The following EPB41 variants were observed in gnomAD, a reference collection of about 807,000 sequenced individuals.
EPB41 encodes the protein protein 4.1.
In EPB41, 65 loss-of-function variants were observed where a neutral mutation model predicts 108.0. The observed-to-expected ratio is 0.60, with a 90% CI of 0.49 to 0.74. The LOEUF (loss-of-function observed/expected upper bound fraction) is 0.74, where lower values mean the gene tolerates loss of function less well. EPB41 is among the 30% of genes least tolerant of loss of function. EPB41 has a pLI of 0.00. For synonymous variants in EPB41, 336 were observed against 358.9 expected, an observed-to-expected ratio of 0.94 and a Z score of 0.72; for missense variants, 875 against 1,037.0, an observed-to-expected ratio of 0.84 and a Z score of 2.15.
At chr1:29,069,499 T>C in intron 16 of EPB41, 2 of 1,156,288 alleles carry the variant, frequency 1.7e-6, no homozygotes, top group Non-Finnish European at 2.1e-6. Context: ...TTTATACTTT[T>C]TGTTTTTCTT....
At chr1:28,953,660 T>C (rs2094831411) in intron 1 of EPB41, among the ~76,000 whole-genome samples, 1 of 152,206 alleles carries the variant, frequency 6.6e-6, no homozygotes, top group Admixed American at 6.5e-5. Flanking sequence ...CCAATGAAGG[T>C]GACATTAGAC....
At position 28,887,708 on chromosome 1, in the gene EPB41, T is replaced by C. The variant is rs1569741924; in HGVS notation, c.-8+498T>C. 1 of 984,760 alleles carries C rather than the reference T, an allele frequency of 1.0e-6. No individual in the cohort carries two copies. The highest frequency in any genetic ancestry group is 1.1e-4 in the East Asian group (1 of 8,762). The allele number at this position is 984,760 out of a possible 1,614,324, so 61.0% of individuals were successfully genotyped here. On this transcript the variant is annotated intron_variant, in intron 1 of 16. Coordinates refer to the EPB41 transcript ENST00000347529. This position sits in a 1 kb window ranked among gnomAD's most constrained non-coding sequence, Gnocchi z 4.9. Reference sequence around the variant, plus strand: ...CCGCTCCGGCCCTTACGTAACTGACTTTGAGTTTCCGGACCCAGGAACCGA... The same window carrying C: ...CCGCTCCGGCCCTTACGTAACTGACCTTGAGTTTCCGGACCCAGGAACCGA...
rs1401326101 is a variant in EPB41 at position 29,058,790 on chromosome 1, T to C, written c.1903-21T>C. 16 of 1,540,776 alleles carry C rather than the reference T, an allele frequency of 1.0e-5. No individual in the cohort carries two copies. In the Admixed American group the frequency reaches 3.1e-4, roughly 30 times the overall value. On this transcript the variant is annotated intron_variant, in intron 13 of 20. Coordinates refer to ENST00000343067, the MANE Select transcript of EPB41 (RefSeq NM_001376013.1). ...CAACATTTTATCATTTTTCTTTCTTTTTTAAATTATGGCAAAACAGAAGCT... is the reference window on the plus strand; with the variant it reads ...CAACATTTTATCATTTTTCTTTCTTCTTTAAATTATGGCAAAACAGAAGCT...
chr1:28,952,052 G>T (rs2094748526), intron 1 of EPB41, among the ~76,000 whole-genome samples: 1 of 152,076 alleles, frequency 6.6e-6, no homozygotes. Flanking sequence ...TTCATATTGG[G>T]GATATAAGCA....
intron 1 of EPB41, among the ~76,000 whole-genome samples, chr1:28,978,888 C>T (rs995891194): frequency 3.3e-5 from 5 of 151,328 alleles, no homozygotes; most frequent in African/African-American, 9.8e-5. Flanking sequence ...GGTTCTGAGG[C>T]CTTTAGTCTT....
rs533082054 is a variant in EPB41 at position 29,107,443 on chromosome 1, T to C, written c.2314-1893T>C. Among the ~76,000 whole-genome samples the C allele has an allele frequency of 1.1e-4, 16 of 152,276 alleles. No homozygotes were observed. In the East Asian group the frequency reaches 1.9e-3, roughly 18 times the overall value. ...ATAATAATGGTTCCTCCCTCAGATA[T>C]TGAGAGGCATAATTGAGACAACAGT... On this transcript the variant is annotated intron_variant, in intron 17 of 20. Transcript: ENST00000343067.
intron 16 of EPB41, chr1:29,070,508 A>G (rs1363210287): frequency 8.1e-7 from 1 of 1,232,032 alleles, no homozygotes; most frequent in Non-Finnish European, 1.0e-6. Flanking sequence ...CAAGTCTCTC[A>G]AAAAGTGCCA....
rs377374495 is a variant in EPB41, at chr1:29,104,334, G to C, written c.2314-5002G>C. Reference sequence around the variant, plus strand: ...TTTTTTATTTATTCACAGTCTCTGTGCTTTGGAAAACATGGTCAGAGGGGA... The same window carrying C: ...TTTTTTATTTATTCACAGTCTCTGTCCTTTGGAAAACATGGTCAGAGGGGA... On this transcript the variant is annotated intron_variant, in intron 17 of 20. Transcript: ENST00000343067. Among the ~76,000 whole-genome samples the C allele has an allele frequency of 2.1e-4, 32 of 152,256 alleles. No homozygotes were observed. In the South Asian group the frequency reaches 6.2e-3, roughly 30 times the overall value.
At chr1:29,003,029 A>AT (rs1238627716) in intron 4 of EPB41, among the ~76,000 whole-genome samples, 10 of 152,182 alleles carry the variant, frequency 6.6e-5, no homozygotes, top group African/African-American at 2.4e-4. Flanking sequence ...GAGTGACTCC[A>AT]TTTTTGTTTG....
chr1:28,890,119 C>A (rs1418558136), intron 1 of EPB41, among the ~76,000 whole-genome samples: 1 of 151,926 alleles, frequency 6.6e-6, no homozygotes, highest in Non-Finnish European at 1.5e-5. Flanking sequence ...CTCACTGCAA[C>A]CTTCACCTCC....
At chr1:28,997,590 T>G (rs1045797511) in intron 4 of EPB41, among the ~76,000 whole-genome samples, 2 of 152,200 alleles carry the variant, frequency 1.3e-5, no homozygotes, top group Non-Finnish European at 2.9e-5. Flanking sequence ...ATGCACTGAT[T>G]AGCAAGTACT....
chr1:29,036,012 G>T (rs1033147211), intron 10 of EPB41, 89 bp downstream of exon 10: 2 of 942,292 alleles, frequency 2.1e-6, no homozygotes, highest in Non-Finnish European at 3.4e-6. Context: ...TTCATTGTAT[G>T]ACTGGCACTC....
intron 1 of EPB41, among the ~76,000 whole-genome samples, chr1:28,920,860 G>A (rs549374770): frequency 1.3e-5 from 2 of 152,110 alleles, no homozygotes; most frequent in East Asian, 3.9e-4. Flanking sequence ...TGAACTCCTA[G>A]GCTCAAGAAA....
intron 4 of EPB41, among the ~76,000 whole-genome samples, chr1:29,001,777 C>A (rs1378919827): frequency 6.6e-6 from 1 of 152,130 alleles, no homozygotes; most frequent in Non-Finnish European, 1.5e-5. Context: ...TTTACACAAT[C>A]AAGCGAGTAT....
rs936450759 is a variant in EPB41, at chr1:29,068,758, C to T, written c.2184+3600C>T. The T allele has an allele frequency of 1.3e-5, 16 of 1,232,116 alleles. No individual in the cohort carries two copies. In the African/African-American group the frequency reaches 1.4e-4, roughly 11 times the overall value. The allele number at this position is 1,232,116 out of a possible 1,614,324, so 76.3% of individuals were successfully genotyped here. A position where few individuals can be genotyped will look rare whatever the true frequency, so the allele number is the denominator to read the frequency against. ...GTGAAGAAAACTTCTGTCCTACCCT[C>T]GGAAAGAAAGGTTGGTGGGCCAGAG... On this transcript the variant is annotated intron_variant, in intron 16 of 20. Coordinates refer to ENST00000343067, the MANE Select transcript of EPB41 (RefSeq NM_001376013.1).
At chr1:29,049,964 T>C (rs914367009) in intron 11 of EPB41, among the ~76,000 whole-genome samples, 7 of 152,234 alleles carry the variant, frequency 4.6e-5, no homozygotes, top group African/African-American at 1.7e-4. Flanking sequence ...CATTGAATTA[T>C]ATATTTTAAA....
intron 1 of EPB41, among the ~76,000 whole-genome samples, chr1:28,964,135 A>G (rs1273544291): frequency 1.3e-5 from 2 of 152,126 alleles, no homozygotes; most frequent in Admixed American, 6.5e-5. Context: ...TGGTACTTCC[A>G]TATTTAACAT....
rs114076394 is a variant in EPB41, at chr1:29,009,500, G to T, written c.787-2365G>T. On this transcript the variant is annotated intron_variant, in intron 4 of 20. Transcript: ENST00000343067. ...GAACTTGGCAGCTTCAGCTTACCTAGGGAGATTCTCTTAAAATAATGGAAA... is the reference window on the plus strand; with the variant it reads ...GAACTTGGCAGCTTCAGCTTACCTATGGAGATTCTCTTAAAATAATGGAAA... 9.8e-3 allele frequency among the ~76,000 whole-genome samples: 1,499 copies of T among 152,204 alleles called. 9 individuals carry two copies. The highest frequency in any genetic ancestry group is 0.018 in the Non-Finnish European group (1,205 of 68,006).
At chr1:28,981,627 C>G (rs1415927422) in intron 1 of EPB41, among the ~76,000 whole-genome samples, 1 of 152,170 alleles carries the variant, frequency 6.6e-6, no homozygotes, top group Non-Finnish European at 1.5e-5. Context: ...ATATGCTGTG[C>G]TCTGTATTTC....
Sources: gnomAD v4.1 joint callset for allele counts (sites outside exome capture counted in the v4.1 genomes callset) on GRCh38, gnomAD v4.1.1 for gene constraint, Gnocchi (gnomAD v3.1) non-coding constraint, MANE v1.5 for transcripts, NCBI Gene and HGNC (gene_info 2026-07-23, HGNC 2026-07-21) for gene names.